The following SORCS2 variants were observed in gnomAD, a reference collection of about 807,000 sequenced individuals.
The protein encoded by SORCS2 is VPS10 domain-containing receptor SorCS2.
A neutral mutation model predicts 141.6 loss-of-function variants in SORCS2; 100 were observed. The ratio of observed to expected loss-of-function variants is 0.71; its 90% confidence interval spans 0.60 to 0.83. The LOEUF (loss-of-function observed/expected upper bound fraction) is 0.83, where lower values mean the gene tolerates loss of function less well. Among genes scored for constraint, SORCS2 ranks in the 40% least tolerant of loss-of-function variants. The pLI, the probability that SORCS2 is intolerant of heterozygous loss-of-function variation, is 0.00. For missense variants in SORCS2, 1,646 were observed against 1,560.2 expected (o/e 1.05, Z -0.93); for synonymous variants, 789 against 676.9 (o/e 1.17, Z -2.57).
chr4:7,729,857 C>T (rs1711535828), intron 23 of SORCS2, 145 bp downstream of exon 23: 4 of 1,197,540 alleles, frequency 3.3e-6, no homozygotes, highest in Non-Finnish European at 4.6e-6. Context: ...GGTGGCTTGA[C>T]CTCGTCCACC....
At chr4:7,280,035 A>G (rs1393914117) in intron 1 of SORCS2, among the ~76,000 whole-genome samples, 3 of 152,154 alleles carry the variant, frequency 2.0e-5, no homozygotes, top group Non-Finnish European at 4.4e-5. Context: ...TGTCGGCTGC[A>G]GCTTCTGATA....
chr4:7,310,898 T>C (rs1718140348), intron 1 of SORCS2, among the ~76,000 whole-genome samples: 1 of 152,214 alleles, frequency 6.6e-6, no homozygotes, highest in African/African-American at 2.4e-5. Context: ...CATACCAGCT[T>C]TCTGCAGGGT....
intron 2 of SORCS2, among the ~76,000 whole-genome samples, chr4:7,483,869 C>T (rs570613317): frequency 1.1e-4 from 16 of 152,114 alleles, no homozygotes; most frequent in African/African-American, 3.4e-4. Context: ...ACCTATGTAA[C>T]AAACCTGCAC....
intron 3 of SORCS2, among the ~76,000 whole-genome samples, chr4:7,598,738 A>G (rs755079549): frequency 2.6e-5 from 4 of 152,174 alleles, no homozygotes; most frequent in Non-Finnish European, 5.9e-5. Flanking sequence ...CTTCCAATAG[A>G]CATAATATTC....
intron 3 of SORCS2, among the ~76,000 whole-genome samples, chr4:7,564,983 C>T (rs1326257673): frequency 2.0e-5 from 3 of 152,104 alleles, no homozygotes; most frequent in Non-Finnish European, 2.9e-5. Flanking sequence ...AGATGCGGTG[C>T]ACCGGCAGGC....
At chr4:7,396,247 A>G in intron 1 of SORCS2, 41 bp from the exon 2 acceptor site, 1 of 1,599,366 alleles carries the variant, frequency 6.3e-7, no homozygotes, top group Non-Finnish European at 8.6e-7. Context: ...GAACCTTGGC[A>G]CCCACTGATT....
chr4:7,402,521 A>G (rs941864468), intron 2 of SORCS2, among the ~76,000 whole-genome samples: 5 of 152,138 alleles, frequency 3.3e-5, no homozygotes, highest in African/African-American at 1.2e-4. Context: ...AGCACGTGTA[A>G]TCTATTTGAT....
chr4:7,545,919 A>G (rs1713228183), intron 3 of SORCS2, among the ~76,000 whole-genome samples: 1 of 152,244 alleles, frequency 6.6e-6, no homozygotes, highest in Admixed American at 6.5e-5. Context: ...TCAAGGTTCC[A>G]GCAAGGTCAG....
At chr4:7,652,737 C>T (rs1721522039) in intron 4 of SORCS2, among the ~76,000 whole-genome samples, 1 of 151,368 alleles carries the variant, frequency 6.6e-6, no homozygotes, top group East Asian at 2.0e-4. Flanking sequence ...GGGCTCCCTG[C>T]CTCCACCCAC....
intron 2 of SORCS2, among the ~76,000 whole-genome samples, chr4:7,428,727 TG>T (rs1483646538): frequency 6.6e-6 from 1 of 151,888 alleles, no homozygotes; most frequent in Non-Finnish European, 1.5e-5. Context: ...GGGGAGGGGC[TG>T]GGCTGCACCA....
chr4:7,523,034 C>T (rs1477992569), intron 2 of SORCS2, among the ~76,000 whole-genome samples: 2 of 149,124 alleles, frequency 1.3e-5, no homozygotes, highest in South Asian at 2.1e-4. Flanking sequence ...CTCCCTCTTC[C>T]CTCCCTCCTC....
At chr4:7,729,965 G>C (rs144016585) in intron 23 of SORCS2, among the ~76,000 whole-genome samples, 5 of 152,104 alleles carry the variant, frequency 3.3e-5, no homozygotes, top group African/African-American at 9.7e-5. Flanking sequence ...CAGGGGGCTC[G>C]CTCATTTCTT....
At chr4:7,502,943 C>G (rs1324059375) in intron 2 of SORCS2, among the ~76,000 whole-genome samples, 1 of 152,214 alleles carries the variant, frequency 6.6e-6, no homozygotes, top group Non-Finnish European at 1.5e-5. Context: ...TGCTATTTCA[C>G]TTTAAGAATC....
intron 1 of SORCS2, among the ~76,000 whole-genome samples, chr4:7,306,310 G>A (rs1360382253): frequency 6.6e-6 from 1 of 152,190 alleles, no homozygotes; most frequent in East Asian, 1.9e-4. Flanking sequence ...TGGTCCGAGG[G>A]TGGAGGGGGA....
At chr4:7,470,559 G>A (rs1219826867) in intron 2 of SORCS2, among the ~76,000 whole-genome samples, 1 of 152,244 alleles carries the variant, frequency 6.6e-6, no homozygotes, top group African/African-American at 2.4e-5. Flanking sequence ...AGCTATTCTA[G>A]GAAGGAGAAC....
At chr4:7,739,696 G>A (rs1406235205) in intron 26 of SORCS2, among the ~76,000 whole-genome samples, 1 of 152,132 alleles carries the variant, frequency 6.6e-6, no homozygotes, top group African/African-American at 2.4e-5. Context: ...CTTGAGGCGG[G>A]GCAGCTCTGG....
intron 1 of SORCS2, among the ~76,000 whole-genome samples, chr4:7,325,556 G>T (rs1447987188): frequency 6.6e-6 from 1 of 152,192 alleles, no homozygotes; most frequent in African/African-American, 2.4e-5. Flanking sequence ...GGGCCTAAAT[G>T]GGGCTGGGGG....
intron 2 of SORCS2, among the ~76,000 whole-genome samples, chr4:7,454,275 T>G (rs1184158611): frequency 8.8e-6 from 1 of 114,204 alleles, no homozygotes; most frequent in African/African-American, 3.6e-5. Flanking sequence ...GGGGTCAGGC[T>G]CCGTGTTGGG....
intron 3 of SORCS2, among the ~76,000 whole-genome samples, chr4:7,577,638 A>T (rs1007143115): frequency 3.3e-5 from 5 of 150,700 alleles, no homozygotes; most frequent in African/African-American, 9.8e-5. Flanking sequence ...AGGCGAAGTC[A>T]GCTAGTGCCA....
Sources: gnomAD v4.1 joint callset for allele counts (sites outside exome capture counted in the v4.1 genomes callset) on GRCh38, gnomAD v4.1.1 for gene constraint, MANE v1.5 for transcripts, NCBI Gene and HGNC (gene_info 2026-07-23, HGNC 2026-07-21) for gene names.